The following RAB3B variants were observed in gnomAD, a reference collection of about 807,000 sequenced individuals.
The protein encoded by RAB3B is ras-related protein Rab-3B.
Under a neutral mutation model 20.5 loss-of-function variants are expected in RAB3B, and 11 were observed. The ratio of observed to expected loss-of-function variants is 0.54; its 90% CI spans 0.34 to 0.89. The LOEUF (loss-of-function observed/expected upper bound fraction) is 0.89, where lower values mean the gene tolerates loss of function less well. Among genes scored for constraint, RAB3B ranks in the 40% least tolerant of loss-of-function variants. The probability of loss-of-function intolerance (pLI) is 0.02; values close to 1 mark genes in which losing one functional copy is unlikely to be tolerated. For synonymous variants in RAB3B, 99 were observed against 106.3 expected (o/e 0.93, Z 0.42); for missense variants, 225 against 280.9 (o/e 0.80, Z 1.42).
chr1:51,938,310 T>G (rs1684439567), intron 2 of RAB3B, among the ~76,000 whole-genome samples: 1 of 152,140 alleles, frequency 6.6e-6, no homozygotes, highest in South Asian at 2.1e-4. Flanking sequence ...GTTCATACTC[T>G]TTGACCCAGA....
intron 1 of RAB3B, among the ~76,000 whole-genome samples, chr1:51,989,362 G>C (rs979109496): frequency 2.6e-5 from 4 of 151,654 alleles, no homozygotes; most frequent in African/African-American, 9.7e-5. Flanking sequence ...CTACAGAACA[G>C]AGTTGGATGA....
chr1:51,963,335 C>T (rs544174976), intron 2 of RAB3B, among the ~76,000 whole-genome samples: 1 of 152,320 alleles, frequency 6.6e-6, no homozygotes, highest in South Asian at 2.1e-4. Context: ...CTTGGCCCAA[C>T]TTGAATTCTA....
chr1:51,981,684 T>G (rs907843828), intron 1 of RAB3B, among the ~76,000 whole-genome samples: 2 of 151,676 alleles, frequency 1.3e-5, no homozygotes, highest in Non-Finnish European at 2.9e-5. Flanking sequence ...CATAACAACA[T>G]TTCAGTCAAT....
chr1:51,950,010 G>T (rs527713641), intron 2 of RAB3B, among the ~76,000 whole-genome samples: 1 of 152,324 alleles, frequency 6.6e-6, no homozygotes, highest in East Asian at 1.9e-4. Flanking sequence ...GGAATGTGGG[G>T]TCTCTCACCC....
intron 3 of RAB3B, 102 bp from the exon 4 acceptor site, chr1:51,933,544 AT>A: frequency 8.6e-7 from 1 of 1,164,582 alleles, no homozygotes; most frequent in Admixed American, 2.2e-5. Context: ...CCCCAATGTA[AT>A]GGTATTTGGA....
intron 2 of RAB3B, among the ~76,000 whole-genome samples, chr1:51,966,526 C>CT (rs1320071419): frequency 1.3e-5 from 2 of 152,132 alleles, no homozygotes; most frequent in African/African-American, 4.8e-5. Flanking sequence ...TTGGAGACCC[C>CT]TTCAATAGTC....
intron 3 of RAB3B, among the ~76,000 whole-genome samples, chr1:51,933,901 T>C (rs1684361402): frequency 6.6e-6 from 1 of 152,172 alleles, no homozygotes; most frequent in East Asian, 1.9e-4. Flanking sequence ...TCCAAGTTAT[T>C]GCCAATTAAT....
In RAB3B at chr1:51,989,101, G is replaced by GCACACACACA. The variant is rs1553232373; in HGVS notation, c.-1+1450_-1+1451insTGTGTGTGTG. Among the ~76,000 whole-genome samples, 17 of 24,046 alleles carry GCACACACACA rather than the reference G, an allele frequency of 7.1e-4. No individual in the cohort carries two copies. The East Asian group carries it at 0.011, about 15-fold the overall frequency. 15.8% of individuals were successfully genotyped at this position (24,046 alleles called of 152,430 possible). ...AACAGGTGGACACCCACCTGTGCGC[G>GCACACACACA]CGCACACACACACACACACACACAC... On this transcript the variant is annotated intron_variant, in intron 1 of 4. Transcript: ENST00000371655.
Position 51,958,629 on chromosome 1 carries a change from A to G in RAB3B, c.228+18261T>C, listed in dbSNP as rs575780443. Among the ~76,000 whole-genome samples, 32 of 152,232 alleles carry G rather than the reference A, an allele frequency of 2.1e-4. No individual in the cohort carries two copies. In the South Asian group the frequency reaches 3.7e-3, roughly 18 times the overall value. ...TCCCAGTTACTCGGGAGGCTGAGGCAGGAGAATCACTTGAACCCGGGAGGC... is the reference window on the plus strand; with the variant it reads ...TCCCAGTTACTCGGGAGGCTGAGGCGGGAGAATCACTTGAACCCGGGAGGC... On this transcript the variant is annotated intron_variant, in intron 2 of 4. Transcript: ENST00000371655.
At chr1:51,977,885 A>C (rs1571980090) in intron 1 of RAB3B, among the ~76,000 whole-genome samples, 1 of 152,358 alleles carries the variant, frequency 6.6e-6, no homozygotes, top group Non-Finnish European at 1.5e-5. Context: ...CAATTTGACA[A>C]ATAACCAACT....
At chr1:51,934,096 AG>A (rs908859191) in intron 3 of RAB3B, among the ~76,000 whole-genome samples, 3 of 152,208 alleles carry the variant, frequency 2.0e-5, no homozygotes, top group Non-Finnish European at 4.4e-5. Context: ...TTTTCTTAAA[AG>A]CCTTCTCTGG....
chr1:51,908,333 C>T lies in RAB3B; in HGVS notation c.*11594G>A, dbSNP rs1467018126. 2 of 152,066 alleles carry T rather than the reference C, an allele frequency of 1.3e-5. No individual in the cohort carries two copies. The highest frequency in any genetic ancestry group is 2.9e-5 in the Non-Finnish European group (2 of 68,036). 9.4% of individuals were successfully genotyped at this position (152,066 alleles called of 1,614,324 possible). ...CAACTGCAGTTTTTGCTAATTGTTC[C>T]TCCTGAGGAATTCTGCTCATACTGC... On this transcript the variant is annotated 3_prime_UTR_variant, in exon 5 of 5. Transcript: ENST00000371655.
chr1:51,982,062 T>C (rs950892350), intron 1 of RAB3B, among the ~76,000 whole-genome samples: 1 of 152,122 alleles, frequency 6.6e-6, no homozygotes, highest in African/African-American at 2.4e-5. Flanking sequence ...CAGAAGAAGA[T>C]ATTGCCATAA....
In RAB3B at chr1:51,919,906, G is replaced by A. The variant is rs370173651; in HGVS notation, c.*21C>T. On this transcript the variant is annotated 3_prime_UTR_variant, in exon 5 of 5. Transcript: ENST00000371655. ...TGGGTGTGGGGCCACAATGAGGGGA[G>A]GTCAGGAAGGTGGGCCTTGCCTAGC... The A allele has an allele frequency of 1.2e-6, 2 of 1,602,026 alleles. No individual in the cohort carries two copies. The highest frequency in any genetic ancestry group is 1.3e-5 in the African/African-American group (1 of 74,732).
chr1:51,974,122 C>T (rs190816388), intron 2 of RAB3B, among the ~76,000 whole-genome samples: 26 of 152,324 alleles, frequency 1.7e-4, no homozygotes, highest in African/African-American at 6.0e-4. Flanking sequence ...CACCCACTCT[C>T]TGCTCTTTCA....
At chr1:51,954,171 C>T (rs1425865089) in intron 2 of RAB3B, among the ~76,000 whole-genome samples, 2 of 152,170 alleles carry the variant, frequency 1.3e-5, no homozygotes, top group African/African-American at 2.4e-5. Context: ...GTGCCTGACA[C>T]GTGGTAAGTG....
At chr1:51,971,901 C>T (rs576797091) in intron 2 of RAB3B, among the ~76,000 whole-genome samples, 1 of 152,254 alleles carries the variant, frequency 6.6e-6, no homozygotes, top group East Asian at 1.9e-4. Context: ...GCAATTTAGG[C>T]CAGGCACGGT....
chr1:51,955,435 A>G (rs1684694716), intron 2 of RAB3B, among the ~76,000 whole-genome samples: 1 of 151,898 alleles, frequency 6.6e-6, no homozygotes, highest in Admixed American at 6.6e-5. Context: ...TCTGTCTCCC[A>G]GGCTGGAGTG....
rs920688849 is a variant in RAB3B, at chr1:51,909,350, T to C, written c.*10577A>G. 2 of 152,188 alleles carry C rather than the reference T, an allele frequency of 1.3e-5. No individual in the cohort carries two copies. The highest frequency in any genetic ancestry group is 2.9e-5 in the Non-Finnish European group (2 of 68,028). The allele number at this position is 152,188 out of a possible 1,614,324, so 9.4% of individuals were successfully genotyped here. A position where few individuals can be genotyped will look rare whatever the true frequency, so the allele number is the denominator to read the frequency against. ...GTCCACAGCATTTCACTTTCTAAAA[T>C]GTACTTTTATTTGACTCTCATAACT... On this transcript the variant is annotated 3_prime_UTR_variant, in exon 5 of 5. Coordinates refer to ENST00000371655, the MANE Select transcript of RAB3B (RefSeq NM_002867.4).
Sources: gnomAD v4.1 joint callset for allele counts (sites outside exome capture counted in the v4.1 genomes callset) on GRCh38, gnomAD v4.1.1 for gene constraint, MANE v1.5 for transcripts, NCBI Gene and HGNC (gene_info 2026-07-23, HGNC 2026-07-21) for gene names.